DTD1: variants seen among roughly 807,000 people sequenced by gnomAD.
DTD1 encodes the protein D-tyrosyl-tRNA deacylase 1 homolog.
A neutral mutation model predicts 25.6 loss-of-function variants in DTD1; 13 were observed. That is an observed-to-expected ratio of 0.51 (90% CI 0.33 to 0.81). The LOEUF (loss-of-function observed/expected upper bound fraction) is 0.81. Ranked by LOEUF, DTD1 falls within the 30% of genes least tolerant of loss-of-function variation. DTD1 has a pLI of 0.02. For synonymous variants in DTD1, 110 were observed against 103.6 expected, an observed-to-expected ratio of 1.06 and a Z score of -0.37; for missense variants, 193 against 266.4, an observed-to-expected ratio of 0.72 and a Z score of 1.92.
chr20:18,742,177 A>G (rs931573547), intron 4 of DTD1, among the ~76,000 whole-genome samples: 6 of 152,182 alleles, frequency 3.9e-5, no homozygotes, highest in Admixed American at 2.0e-4. Context: ...AAATGACACT[A>G]CAGTCCATGT....
At chr20:18,739,793 C>G (rs16979575) in intron 4 of DTD1, among the ~76,000 whole-genome samples, 12,311 of 151,996 alleles carry the variant, frequency 0.081, 683 homozygotes, top group East Asian at 0.27. Flanking sequence ...GTAAATTCCA[C>G]ATTTTGGCTG....
At chr20:18,650,031 A>G (rs1305167298) in intron 4 of DTD1, among the ~76,000 whole-genome samples, 1 of 152,162 alleles carries the variant, frequency 6.6e-6, no homozygotes, top group African/African-American at 2.4e-5. Flanking sequence ...TGGGCAACAC[A>G]GGGAGACGTT....
intron 4 of DTD1, among the ~76,000 whole-genome samples, chr20:18,731,942 T>G (rs895012122): frequency 3.3e-5 from 5 of 152,218 alleles, no homozygotes; most frequent in Admixed American, 2.0e-4. Flanking sequence ...TGCCCCTCTG[T>G]GGAGCCCACT....
rs899700039 is a variant in DTD1 at position 18,678,712 on chromosome 20, C to T, written c.477+50479C>T. 4.6e-5 allele frequency: 7 copies of T among 152,214 alleles called. No homozygotes were observed. The East Asian group carries it at 1.4e-3, about 29-fold the overall frequency. The allele number at this position is 152,214 out of a possible 1,614,324, so 9.4% of individuals were successfully genotyped here. On this transcript the variant is annotated intron_variant, in intron 4 of 5. Transcript: ENST00000377452. ...CTTTTTGGTTCCGCATTTGTTTTCT[C>T]TCTCTACTTCCCCATTCCTCTTCCT...
chr20:18,705,240 CA>C (rs1568675452), intron 4 of DTD1, among the ~76,000 whole-genome samples: 1 of 152,096 alleles, frequency 6.6e-6, no homozygotes, highest in Non-Finnish European at 1.5e-5. Context: ...TTCAGGATAT[CA>C]GGGGATAAGG....
At chr20:18,637,539 T>C (rs2060811916) in intron 4 of DTD1, among the ~76,000 whole-genome samples, 1 of 152,208 alleles carries the variant, frequency 6.6e-6, no homozygotes, top group Non-Finnish European at 1.5e-5. Flanking sequence ...AGACTTGTAG[T>C]TGAAAGTAAT....
intron 4 of DTD1, among the ~76,000 whole-genome samples, chr20:18,670,926 T>C (rs1231485649): frequency 6.6e-6 from 1 of 152,252 alleles, no homozygotes; most frequent in Admixed American, 6.5e-5. Flanking sequence ...TTTCCTTTAG[T>C]GTTTGTCCCA....
At chr20:18,739,903 G>A (rs1456604161) in intron 4 of DTD1, among the ~76,000 whole-genome samples, 1 of 151,878 alleles carries the variant, frequency 6.6e-6, no homozygotes, top group Non-Finnish European at 1.5e-5. Flanking sequence ...GCCATATGTG[G>A]TTGGGTTGTT....
chr20:18,705,587 G>A (rs1021720018), intron 4 of DTD1, among the ~76,000 whole-genome samples: 4 of 152,136 alleles, frequency 2.6e-5, no homozygotes, highest in African/African-American at 9.7e-5. Flanking sequence ...TTTCCCAAAA[G>A]GATGGTGAAG....
At chr20:18,675,478 A>G (rs761682959) in intron 4 of DTD1, 2 of 151,974 alleles carry the variant, frequency 1.3e-5, no homozygotes, top group Non-Finnish European at 2.9e-5. Flanking sequence ...TTTGGGTGCC[A>G]TTCTTGAGTT....
At chr20:18,688,028 C>T (rs2061024265) in intron 4 of DTD1, among the ~76,000 whole-genome samples, 1 of 152,216 alleles carries the variant, frequency 6.6e-6, no homozygotes, top group South Asian at 2.1e-4. Flanking sequence ...AAAGAACAGT[C>T]TGATGCCAGC....
Position 18,595,959 on chromosome 20 carries a change from G to A in DTD1, c.135-47G>A, listed in dbSNP as rs775288002. The A allele has an allele frequency of 3.9e-6, 6 of 1,546,268 alleles. No individual in the cohort carries two copies. In the African/African-American group the frequency reaches 8.2e-5, roughly 21 times the overall value. ...TTTTTGGGGTATGGAGTGTGTTGGG[G>A]GGCTTGTGATCTCTCAGGTAGCTCT... On this transcript the variant is annotated intron_variant, in intron 2 of 5. Transcript: ENST00000377452.
intron 4 of DTD1, among the ~76,000 whole-genome samples, chr20:18,722,769 T>G (rs1156542070): frequency 6.6e-6 from 1 of 152,128 alleles, no homozygotes; most frequent in African/African-American, 2.4e-5. Context: ...TGGGCTGTCT[T>G]CGGTGTAGAA....
chr20:18,722,408 C>T (rs1182339002), intron 4 of DTD1, among the ~76,000 whole-genome samples: 1 of 142,952 alleles, frequency 7.0e-6, no homozygotes, highest in Non-Finnish European at 1.6e-5. Flanking sequence ...TGGACGTCTG[C>T]ACTTTAAGTA....
At chr20:18,637,372 G>C (rs2060811398) in intron 4 of DTD1, among the ~76,000 whole-genome samples, 1 of 152,192 alleles carries the variant, frequency 6.6e-6, no homozygotes, top group Non-Finnish European at 1.5e-5. Flanking sequence ...AGCCGATGCA[G>C]CAACAACAGC....
intron 4 of DTD1, chr20:18,675,677 G>A (rs2060967665): frequency 6.9e-6 from 1 of 145,470 alleles, no homozygotes; most frequent in African/African-American, 2.6e-5. Flanking sequence ...TACCAAAATG[G>A]TTTTAGTCTT....
chr20:18,658,354 C>T (rs922935506), intron 4 of DTD1, among the ~76,000 whole-genome samples: 1 of 150,900 alleles, frequency 6.6e-6, no homozygotes, highest in South Asian at 2.1e-4. Flanking sequence ...GAGACAGAGT[C>T]TCGCTCTGTC....
intron 4 of DTD1, among the ~76,000 whole-genome samples, chr20:18,738,355 TTTCAAC>T (rs2061264835): frequency 6.6e-6 from 1 of 152,146 alleles, no homozygotes; most frequent in African/African-American, 2.4e-5. Flanking sequence ...AAGATTTTGC[TTTCAAC>T]TTCAAGTGCC....
chr20:18,654,761 C>A (rs372248973), intron 4 of DTD1, among the ~76,000 whole-genome samples: 1 of 151,024 alleles, frequency 6.6e-6, no homozygotes, highest in East Asian at 2.0e-4. Flanking sequence ...ATTTGATGGG[C>A]TGAGAAAAAT....
Sources: allele counts gnomAD v4.1 joint callset (sites outside exome capture counted in the v4.1 genomes callset), GRCh38; gene constraint gnomAD v4.1.1; transcripts MANE v1.5; gene names NCBI Gene and HGNC (gene_info 2026-07-23, HGNC 2026-07-21).